XKR9: variants seen among roughly 807,000 people sequenced by gnomAD.
XKR9 encodes XK related 9.
A neutral mutation model predicts 32.0 loss-of-function variants in XKR9; 32 were observed. The ratio of observed to expected loss-of-function variants is 1.00; its 90% CI spans 0.76 to 1.34. The LOEUF (loss-of-function observed/expected upper bound fraction) is 1.34, where lower values mean the gene tolerates loss of function less well. Among genes scored for constraint, XKR9 ranks in the 40% most tolerant of loss-of-function variants. The pLI, the probability that XKR9 is intolerant of heterozygous loss-of-function variation, is 0.00. For synonymous variants in XKR9, 168 were observed against 143.4 expected (o/e 1.17, Z -1.22); for missense variants, 546 against 429.7 (o/e 1.27, Z -2.39).
intron 2 of XKR9, among the ~76,000 whole-genome samples, chr8:70,678,489 A>G (rs1432964718): frequency 1.3e-5 from 2 of 152,202 alleles, no homozygotes; most frequent in African/African-American, 4.8e-5. Context: ...ATCACTTGAT[A>G]TATCCAGGAA....
At chr8:71,042,783 G>A in the XKR9 span, among the ~76,000 whole-genome samples, 1 of 152,200 alleles carries the variant, frequency 6.6e-6, no homozygotes, top group African/African-American at 2.4e-5. Context: ...CAAGTCCAAA[G>A]TCTAAATCCA....
Position 70,695,283 on chromosome 8 carries a change from C to T in XKR9, c.273-11650C>T, listed in dbSNP as rs187373704. ...CACTGGTGTGCTGCACCCATTAACT[C>T]GTCATTTAGCATTAGGTATATCTCC... On this transcript the variant is annotated intron_variant, in intron 3 of 4. Transcript: ENST00000408926. Among the ~76,000 whole-genome samples, 329 of 148,662 alleles carry T rather than the reference C, an allele frequency of 2.2e-3. 1 individual carries two copies. The highest frequency in any genetic ancestry group is 3.9e-3 in the Non-Finnish European group (261 of 67,130).
At position 70,776,693 on chromosome 8, in the gene XKR9, C is replaced by T. The variant is rs1024127908; in HGVS notation, n.353-12646C>T. ...GAATGGAGATAGGACAGCCTCTGTACCACCTGTTCTCTCTCTTCATGGCTG... is the reference window on the plus strand; with the variant it reads ...GAATGGAGATAGGACAGCCTCTGTATCACCTGTTCTCTCTCTTCATGGCTG... On this transcript the variant is annotated intron_variant and non_coding_transcript_variant, in intron 2 of 3. Transcript: ENST00000520273. Among the ~76,000 whole-genome samples the T allele has an allele frequency of 2.6e-5, 4 of 152,012 alleles. No homozygotes were observed. The South Asian group carries it at 8.3e-4, about 32-fold the overall frequency.
chr8:71,026,963 C>G, the XKR9 span, among the ~76,000 whole-genome samples: 1 of 152,186 alleles, frequency 6.6e-6, no homozygotes, highest in African/African-American at 2.4e-5. Flanking sequence ...TTTTTAAGCA[C>G]TGCTGTTTAT....
chr8:71,057,445 C>T, the XKR9 span, among the ~76,000 whole-genome samples: 2 of 152,110 alleles, frequency 1.3e-5, no homozygotes, highest in African/African-American at 4.8e-5. Context: ...AATCAAAGGC[C>T]CTGGACATTC....
intron 3 of XKR9, among the ~76,000 whole-genome samples, chr8:70,696,807 A>G (rs992599485): frequency 6.6e-6 from 1 of 151,582 alleles, no homozygotes; most frequent in African/African-American, 2.4e-5. Flanking sequence ...GATTCTTCCT[A>G]TCCATGAGCA....
the XKR9 span, among the ~76,000 whole-genome samples, chr8:70,879,027 A>C: frequency 6.6e-6 from 1 of 152,232 alleles, no homozygotes; most frequent in Non-Finnish European, 1.5e-5. Flanking sequence ...AACTACATGG[A>C]AACTGAACAA....
the XKR9 span, among the ~76,000 whole-genome samples, chr8:70,906,986 A>T: frequency 2.0e-5 from 3 of 152,138 alleles, no homozygotes; most frequent in Non-Finnish European, 4.4e-5. Flanking sequence ...TAATTCCATT[A>T]TTACTCCCCA....
At chr8:70,716,622 G>A (rs777315966) in intron 4 of XKR9, among the ~76,000 whole-genome samples, 10 of 152,108 alleles carry the variant, frequency 6.6e-5, no homozygotes, top group African/African-American at 1.2e-4. Flanking sequence ...TACCTCTACC[G>A]TGTCCCTTCC....
At chr8:70,901,584 T>C in the XKR9 span, among the ~76,000 whole-genome samples, 1 of 152,162 alleles carries the variant, frequency 6.6e-6, no homozygotes, top group African/African-American at 2.4e-5. Context: ...AGGTAGATTG[T>C]AAAAATTTTC....
At chr8:70,920,498 G>T in the XKR9 span, among the ~76,000 whole-genome samples, 1 of 152,002 alleles carries the variant, frequency 6.6e-6, no homozygotes, top group East Asian at 1.9e-4. Flanking sequence ...AAAATAACCT[G>T]AAAAAGACCA....
downstream of XKR9, among the ~76,000 whole-genome samples, chr8:70,794,200 C>T (rs1807800053): frequency 6.6e-6 from 1 of 151,900 alleles, no homozygotes; most frequent in Non-Finnish European, 1.5e-5. Flanking sequence ...TGCATACTGG[C>T]CTTGTATTCT....
intron 3 of XKR9, among the ~76,000 whole-genome samples, chr8:70,690,725 C>G (rs558517310): frequency 6.6e-6 from 1 of 152,144 alleles, no homozygotes; most frequent in African/African-American, 2.4e-5. Context: ...TGATAGCCTC[C>G]AGCTCCTTCT....
chr8:70,777,291 C>CT (rs1563477338), intron 2 of XKR9, among the ~76,000 whole-genome samples: 2 of 151,948 alleles, frequency 1.3e-5, no homozygotes, highest in East Asian at 1.9e-4. Flanking sequence ...TGAACTCATC[C>CT]TTTTTTATGG....
intron 3 of XKR9, among the ~76,000 whole-genome samples, chr8:70,698,664 G>A (rs1445678556): frequency 6.6e-6 from 1 of 152,096 alleles, no homozygotes; most frequent in East Asian, 1.9e-4. Context: ...ATATTCTGTT[G>A]ATTTGGGGTG....
At chr8:70,852,858 G>A in the XKR9 span, among the ~76,000 whole-genome samples, 1 of 152,060 alleles carries the variant, frequency 6.6e-6, no homozygotes, top group African/African-American at 2.4e-5. Flanking sequence ...GCAGGTGGGG[G>A]ACAGGAAAAG....
the XKR9 span, among the ~76,000 whole-genome samples, chr8:71,009,257 G>C: frequency 6.6e-6 from 1 of 152,184 alleles, no homozygotes; most frequent in African/African-American, 2.4e-5. Flanking sequence ...AGACGGCTTT[G>C]AATGCGGCCC....
At chr8:70,792,156 T>G (rs1426070606), downstream of XKR9, among the ~76,000 whole-genome samples, 1 of 152,074 alleles carries the variant, frequency 6.6e-6, no homozygotes, top group Non-Finnish European at 1.5e-5. Context: ...TCATGCAGAG[T>G]ACAATAGCTT....
the XKR9 span, among the ~76,000 whole-genome samples, chr8:70,894,170 G>A: frequency 6.6e-6 from 1 of 151,900 alleles, no homozygotes; most frequent in Non-Finnish European, 1.5e-5. Context: ...GGTACCAGGG[G>A]ATGAGTCACT....
Sources: gnomAD v4.1 joint callset for allele counts (sites outside exome capture counted in the v4.1 genomes callset) on GRCh38, gnomAD v4.1.1 for gene constraint, MANE v1.5 for transcripts, NCBI Gene and HGNC (gene_info 2026-07-23, HGNC 2026-07-21) for gene names.